FANCC: variants seen among roughly 807,000 people sequenced by gnomAD.
The protein encoded by FANCC is Fanconi anemia group C protein.
A neutral mutation model predicts 71.3 loss-of-function variants in FANCC; 55 were observed. That is an observed-to-expected ratio of 0.77 (90% confidence interval 0.62 to 0.97). The LOEUF (loss-of-function observed/expected upper bound fraction) is 0.97, where lower values mean the gene tolerates loss of function less well. Ranked by LOEUF, FANCC falls within the 50% of genes least tolerant of loss-of-function variation. FANCC has a pLI of 0.00. For synonymous variants in FANCC, 275 were observed against 244.9 expected, an observed-to-expected ratio of 1.12 and a Z score of -1.15; for missense variants, 678 against 670.9, an observed-to-expected ratio of 1.01 and a Z score of -0.12.
intron 8 of FANCC, among the ~76,000 whole-genome samples, chr9:95,131,805 A>C (rs1023487302): frequency 6.6e-6 from 1 of 152,188 alleles, no homozygotes; most frequent in East Asian, 1.9e-4. Flanking sequence ...TCTTCAGCAC[A>C]ATATTTTACC....
In FANCC at chr9:95,150,185, C is replaced by T. The variant is rs1022683091; in HGVS notation, c.522-98G>A. On this transcript the variant is annotated intron_variant, in intron 6 of 14. Coordinates refer to ENST00000289081, the MANE Select transcript of FANCC (RefSeq NM_000136.3). ...TGCTAAAAAGGTCAAAGACAGATCACCTGTTTTGCCTCTAAATAAAGAGAA... is the reference window on the plus strand; with the variant it reads ...TGCTAAAAAGGTCAAAGACAGATCATCTGTTTTGCCTCTAAATAAAGAGAA... 14 of 1,224,932 alleles carry T rather than the reference C, an allele frequency of 1.1e-5. No individual in the cohort carries two copies. The African/African-American group carries it at 2.1e-4, about 18-fold the overall frequency. The allele number at this position is 1,224,932 out of a possible 1,614,324, so 75.9% of individuals were successfully genotyped here. A position where few individuals can be genotyped will look rare whatever the true frequency, so the allele number is the denominator to read the frequency against.
At chr9:95,169,558 C>A (rs956416987) in intron 6 of FANCC, among the ~76,000 whole-genome samples, 2 of 152,184 alleles carry the variant, frequency 1.3e-5, no homozygotes, top group African/African-American at 4.8e-5. Flanking sequence ...CTTTTTCCCT[C>A]CCAAGGAAGA....
intron 4 of FANCC, among the ~76,000 whole-genome samples, chr9:95,197,703 G>A (rs993261972): frequency 6.6e-6 from 1 of 152,144 alleles, no homozygotes; most frequent in Non-Finnish European, 1.5e-5. Flanking sequence ...TTAAATTGCA[G>A]AGCTGACTCC....
At chr9:95,293,883 A>G in intron 1 of FANCC, 2 of 1,605,944 alleles carry the variant, frequency 1.2e-6, no homozygotes, top group East Asian at 2.2e-5. Context: ...TGGAATGTGC[A>G]GAGACATTTT....
At chr9:95,108,861 C>G (rs986125876) in intron 13 of FANCC, among the ~76,000 whole-genome samples, 2 of 151,962 alleles carry the variant, frequency 1.3e-5, no homozygotes, top group African/African-American at 2.4e-5. Context: ...CCATAATGTA[C>G]TATAAGCAGT....
At chr9:95,176,357 A>C (rs575066220) in intron 4 of FANCC, among the ~76,000 whole-genome samples, 1 of 152,212 alleles carries the variant, frequency 6.6e-6, no homozygotes, top group Non-Finnish European at 1.5e-5. Context: ...CTCAAAGTGA[A>C]GCAGCCTGGC....
chr9:95,235,491 C>T (rs774075014), intron 4 of FANCC, among the ~76,000 whole-genome samples: 1 of 152,260 alleles, frequency 6.6e-6, no homozygotes, highest in South Asian at 2.1e-4. Context: ...AACCAACAGG[C>T]TTTTAGAAGA....
chr9:95,294,269 C>T, intron 1 of FANCC: 1 of 1,578,984 alleles, frequency 6.3e-7, no homozygotes. Context: ...TTCTTTTCGG[C>T]CTCACATATC....
At chr9:95,160,304 C>T (rs1251122405) in intron 6 of FANCC, among the ~76,000 whole-genome samples, 3 of 151,848 alleles carry the variant, frequency 2.0e-5, no homozygotes, top group East Asian at 3.9e-4. Flanking sequence ...CCATTTCTTG[C>T]TTTTGTCAGG....
rs1834093328 is a variant in FANCC at position 95,292,424 on chromosome 9, C to G, written c.-79+25102G>C. The G allele has an allele frequency of 1.4e-5, 16 of 1,104,982 alleles. No homozygotes were observed. In the South Asian group the frequency reaches 5.1e-4, roughly 36 times the overall value. The allele number at this position is 1,104,982 out of a possible 1,614,324, so 68.4% of individuals were successfully genotyped here. On this transcript the variant is annotated intron_variant, in intron 1 of 14. Transcript: ENST00000289081. ...CCGTCCCGGCGGCCACGAGAGGAGC[C>G]TCCGCCGCCGCCTCGGGCCCGTGGG...
intron 1 of FANCC, among the ~76,000 whole-genome samples, chr9:95,277,729 G>A (rs987080541): frequency 6.6e-6 from 1 of 152,098 alleles, no homozygotes; most frequent in Non-Finnish European, 1.5e-5. Flanking sequence ...TGACTTCTCA[G>A]CAGAAACAAA....
chr9:95,135,227 T>C (rs2135162161), intron 8 of FANCC, 119 bp downstream of exon 8: 3 of 975,728 alleles, frequency 3.1e-6, no homozygotes, highest in East Asian at 4.9e-5. Flanking sequence ...TACACGATTA[T>C]ATATAAAGGT....
chr9:95,243,560 G>A (rs1422823949), intron 3 of FANCC, among the ~76,000 whole-genome samples: 1 of 151,786 alleles, frequency 6.6e-6, no homozygotes, highest in Non-Finnish European at 1.5e-5. Context: ...CGAGGTGGGC[G>A]GATCACAAGG....
At chr9:95,135,557 A>G (rs765280239) in intron 7 of FANCC, 55 bp from the exon 8 acceptor site, 33 of 1,548,702 alleles carry the variant, frequency 2.1e-5, no homozygotes, top group Non-Finnish European at 2.8e-5. Flanking sequence ...TGAAAAAAGA[A>G]GATTAAAAAA....
chr9:95,182,166 T>C (rs993899269), intron 4 of FANCC, among the ~76,000 whole-genome samples: 1 of 152,074 alleles, frequency 6.6e-6, no homozygotes. Context: ...TTAAAGTCTT[T>C]TAGAATTTCC....
intron 4 of FANCC, among the ~76,000 whole-genome samples, chr9:95,236,481 T>C (rs1433621411): frequency 2.0e-5 from 3 of 152,246 alleles, no homozygotes; most frequent in Admixed American, 6.5e-5. Flanking sequence ...TGGTGCTCTA[T>C]GATGGCACAT....
At chr9:95,247,299 G>T in intron 3 of FANCC, 133 bp downstream of exon 3, 1 of 704,528 alleles carries the variant, frequency 1.4e-6, no homozygotes, top group Non-Finnish European at 2.5e-6. Context: ...CTTTGTAATA[G>T]AACAATGAAT....
intron 13 of FANCC, among the ~76,000 whole-genome samples, chr9:95,109,076 A>ATTTC (rs959932336): frequency 6.6e-6 from 1 of 151,998 alleles, no homozygotes; most frequent in Admixed American, 6.6e-5. Context: ...TACCTGGCTA[A>ATTTC]TTTCTTTATT....
intron 12 of FANCC, among the ~76,000 whole-genome samples, chr9:95,111,850 C>CT (rs1264672230): frequency 1.3e-5 from 2 of 152,148 alleles, no homozygotes; most frequent in African/African-American, 4.8e-5. Flanking sequence ...TCAGGACCCC[C>CT]GTGAGGCCTG....
Sources: gnomAD v4.1 joint callset for allele counts (sites outside exome capture counted in the v4.1 genomes callset) on GRCh38, gnomAD v4.1.1 for gene constraint, MANE v1.5 for transcripts, NCBI Gene and HGNC (gene_info 2026-07-23, HGNC 2026-07-21) for gene names.